Variants in GPR173 observed in about 807,000 individuals in gnomAD.
The protein encoded by GPR173 is G protein-coupled receptor 173.
Under a neutral mutation model 13.9 loss-of-function variants are expected in GPR173, and 2 were observed. The observed-to-expected ratio is 0.14, with a 90% CI of 0.06 to 0.45. GPR173 has a LOEUF of 0.45. GPR173 is among the 20% of genes least tolerant of loss of function. The pLI is 0.98. For missense variants in GPR173, 202 were observed against 340.5 expected, an observed-to-expected ratio of 0.59 and a Z score of 3.20; for synonymous variants, 131 against 141.0, an observed-to-expected ratio of 0.93 and a Z score of 0.50.
At chrX:53,058,904 C>CT (rs201549482) in intron 1 of GPR173, among the ~76,000 whole-genome samples, 3,772 of 101,378 alleles carry the variant, frequency 0.037, 72 homozygotes, top group Non-Finnish European at 0.052. Context: ...ACCTGTATTC[C>CT]TTTTTTTTTT....
At chrX:53,051,660 G>A (rs1931958625) in intron 1 of GPR173, among the ~76,000 whole-genome samples, 2 of 111,340 alleles carry the variant, frequency 1.8e-5, no homozygotes, top group Admixed American at 9.6e-5. Context: ...GAGTGTGGGT[G>A]TGTTTTCTCT....
At chrX:53,067,936 AAGAT>A (rs1932208524) in intron 1 of GPR173, among the ~76,000 whole-genome samples, 1 of 112,621 alleles carries the variant, frequency 8.9e-6, no homozygotes, top group Admixed American at 9.4e-5. Flanking sequence ...GTAAAAACAA[AAGAT>A]AGTAAGTATG....
intron 1 of GPR173, among the ~76,000 whole-genome samples, chrX:53,074,265 C>CATATAGAAAT (rs1932363059): frequency 1.2e-4 from 6 of 50,079 alleles, no homozygotes; most frequent in African/African-American, 6.9e-4. Context: ...TATATTTATT[C>CATATAGAAAT]ATATATAAAT....
At chrX:53,068,793 T>TAAATAAA (rs1556804493) in intron 1 of GPR173, among the ~76,000 whole-genome samples, 1 of 106,479 alleles carries the variant, frequency 9.4e-6, no homozygotes, top group African/African-American at 3.4e-5. Flanking sequence ...AATAAATATT[T>TAAATAAA]TTCATAAATG....
Position 53,060,025 on chromosome X carries a change from T to TACACAC in GPR173, c.-98+10542_-98+10543insCACACA, listed in dbSNP as rs782269275. Among the ~76,000 whole-genome samples, 573 of 82,283 alleles carry TACACAC rather than the reference T, an allele frequency of 7.0e-3. 2 individuals are homozygous for TACACAC. Among genetic ancestry groups the TACACAC allele is most frequent in the African/African-American group, 0.041 (537 of 13,147 alleles). The allele number at this position is 82,283 out of a possible 115,157, so 71.5% of individuals were successfully genotyped here. On this transcript the variant is annotated intron_variant, in intron 1 of 1. Transcript: ENST00000332582. Reference sequence around the variant, plus strand: ...AAACAAAGTGTATATTATATATATATATATATACACACACACACATACACA... The same window carrying TACACAC: ...AAACAAAGTGTATATTATATATATATACACACATATATACACACACACACATACACA...
At chrX:53,073,949 GTATATTTATATATAAATATATATT>G (rs1932321913) in intron 1 of GPR173, among the ~76,000 whole-genome samples, 5 of 3,107 alleles carry the variant, frequency 1.6e-3, no homozygotes, top group African/African-American at 2.9e-3. Flanking sequence ...ATATATTTAT[GTATATTTATATATAAATATATATT>G]TATATTTATA....
intron 1 of GPR173, among the ~76,000 whole-genome samples, chrX:53,055,092 GAGT>G (rs1267770643): frequency 3.7e-5 from 4 of 109,552 alleles, no homozygotes; most frequent in Admixed American, 9.8e-5. Flanking sequence ...TGTGCAGTGT[GAGT>G]AGATCTGGCT....
chrX:53,074,147 T>TAAATATATAAATATAC (rs1932351858), intron 1 of GPR173, among the ~76,000 whole-genome samples: 1 of 96,754 alleles, frequency 1.0e-5, no homozygotes, highest in African/African-American at 4.3e-5. Flanking sequence ...CATGTATATT[T>TAAATATATAAATATAC]ATTCATATAG....
chrX:53,077,998 TTCTCTCTCTCTCTCTCTCTGTCTCTC>T lies in GPR173; in HGVS notation c.*275_*300del, dbSNP rs1384378280. On this transcript the variant is annotated 3_prime_UTR_variant, in exon 2 of 2. Coordinates refer to ENST00000332582, the MANE Select transcript of GPR173 (RefSeq NM_018969.6). ...CTCCTTCTCCACTTCTACAATCTCA[TTCTCTCTCTCTCTCTCTCTGTCTCTC>T]TCTCTCTCTCTCTCTCTCTCTCAGA... 6.7e-6 allele frequency: 2 copies of T among 298,169 alleles called. No homozygotes were observed. The highest frequency in any genetic ancestry group is 1.2e-5 in the Non-Finnish European group (2 of 169,309). The allele number at this position is 298,169 out of a possible 1,213,427, so 24.6% of individuals were successfully genotyped here.
At chrX:53,063,137 T>G (rs1469243616) in intron 1 of GPR173, among the ~76,000 whole-genome samples, 1 of 109,749 alleles carries the variant, frequency 9.1e-6, no homozygotes, top group Admixed American at 9.8e-5. Flanking sequence ...TCTGCTTGGT[T>G]CCCCAGGCTG....
intron 1 of GPR173, among the ~76,000 whole-genome samples, chrX:53,074,786 A>C (rs1462044312): frequency 3.1e-5 from 3 of 96,542 alleles, no homozygotes; most frequent in Admixed American, 1.3e-4. Context: ...AAATTTTTAT[A>C]TTATAAAATT....
At chrX:53,052,835 AGT>A (rs1366261479) in intron 1 of GPR173, among the ~76,000 whole-genome samples, 1 of 100,740 alleles carries the variant, frequency 9.9e-6, no homozygotes, top group East Asian at 3.0e-4. Context: ...AGTGTGTTTA[AGT>A]GTGTGTGTGT....
At chrX:53,056,033 G>A (rs1321699065) in intron 1 of GPR173, among the ~76,000 whole-genome samples, 2 of 109,213 alleles carry the variant, frequency 1.8e-5, no homozygotes, top group East Asian at 2.9e-4. Context: ...AGGTATGTGT[G>A]TCATTGTGGG....
At position 53,073,345 on chromosome X, in the gene GPR173, T is replaced by C. The variant is rs782640276; in HGVS notation, c.-97-3180T>C. 2.7e-4 allele frequency among the ~76,000 whole-genome samples: 30 copies of C among 109,993 alleles called. No homozygotes were observed. In the South Asian group the frequency reaches 0.011, roughly 40 times the overall value. ...GGGAGTAGGAAGACATCCACTCAAG[T>C]TCCACCCCCTAATCCCAGCCCAGCC... On this transcript the variant is annotated intron_variant, in intron 1 of 1. Coordinates refer to ENST00000332582, the MANE Select transcript of GPR173 (RefSeq NM_018969.6).
intron 1 of GPR173, among the ~76,000 whole-genome samples, chrX:53,061,477 G>A (rs1406127672): frequency 2.7e-5 from 3 of 111,086 alleles, no homozygotes; most frequent in African/African-American, 9.8e-5. Flanking sequence ...ATGTGCTAGT[G>A]TTTCTATGTA....
At chrX:53,074,849 A>G (rs1932402740) in intron 1 of GPR173, among the ~76,000 whole-genome samples, 1 of 101,415 alleles carries the variant, frequency 9.9e-6, no homozygotes, top group African/African-American at 3.6e-5. Flanking sequence ...AGGAGGCAAA[A>G]TAGGGAGAGT....
In GPR173 at chrX:53,076,717, T is replaced by C. The variant is rs781788141; in HGVS notation, c.96T>C (p.Ile32=). 2 of 1,210,807 alleles carry C rather than the reference T, an allele frequency of 1.7e-6. No individual in the cohort carries two copies. Among genetic ancestry groups the C allele is most frequent in the East Asian group, 3.0e-5 (1 of 33,825 alleles). Residue 32 remains isoleucine, a synonymous_variant, in exon 2 of 2, where the codon ATT becomes ATC. Coordinates refer to ENST00000332582, the MANE Select transcript of GPR173 (RefSeq NM_018969.6). ...AYVKLVLLGL[I]MCVSLAGNAI... ...TGAAGCTGGTACTGCTGGGACTGAT[T>C]ATGTGCGTGAGCCTGGCGGGTAACG... is the stretch of plus-strand genomic sequence containing the variant.
rs1160891090 is a variant in GPR173 at position 53,049,371 on chromosome X, AC to A, written c.-210del. The stretch of plus-strand genomic sequence containing the variant: ...CCACGGCAACAGAAGCAGGAGTGTC[AC>A]TGGCCGCCAGATCACTGAGGGTCCC... On this transcript the variant is annotated 5_prime_UTR_variant, in exon 1 of 2. The change creates a new upstream start codon in the 5' untranslated region. Transcript: ENST00000332582. 1 of 111,720 alleles carries A rather than the reference AC, an allele frequency of 9.0e-6. No individual in the cohort carries two copies. Among genetic ancestry groups the A allele is most frequent in the African/African-American group, 3.3e-5 (1 of 30,660 alleles). The allele number at this position is 111,720 out of a possible 1,213,427, so 9.2% of individuals were successfully genotyped here.
intron 1 of GPR173, among the ~76,000 whole-genome samples, chrX:53,070,313 C>G (rs1333005165): frequency 9.0e-6 from 1 of 110,907 alleles, no homozygotes; most frequent in Admixed American, 9.7e-5. Flanking sequence ...AGGGGAGTTA[C>G]AAAGGTGGTT....
Sources: allele counts gnomAD v4.1 joint callset (sites outside exome capture counted in the v4.1 genomes callset), GRCh38; gene constraint gnomAD v4.1.1; transcripts MANE v1.5; gene names NCBI Gene and HGNC (gene_info 2026-07-23, HGNC 2026-07-21).